TMEM132D: variants seen among roughly 807,000 people sequenced by gnomAD.
TMEM132D encodes the protein transmembrane protein 132D, also known as mature OL transmembrane protein.
Under a neutral mutation model 62.3 loss-of-function variants are expected in TMEM132D, and 21 were observed. The ratio of observed to expected loss-of-function variants is 0.34; its 90% CI spans 0.24 to 0.49. The LOEUF is 0.49. TMEM132D is among the 20% of genes least tolerant of loss of function. The pLI, the probability that TMEM132D is intolerant of heterozygous loss-of-function variation, is 0.99. For missense variants in TMEM132D, 1,346 were observed against 1,402.8 expected (o/e 0.96, Z 0.65); for synonymous variants, 621 against 575.6 (o/e 1.08, Z -1.13).
At chr12:129,127,464 A>G (rs1246267150) in intron 5 of TMEM132D, among the ~76,000 whole-genome samples, 1 of 152,182 alleles carries the variant, frequency 6.6e-6, no homozygotes, top group Non-Finnish European at 1.5e-5. Context: ...AAGGTTTCCC[A>G]AGAGCCAAAT....
chr12:129,076,050 TAGAGCCA>T (rs549991717), intron 8 of TMEM132D, among the ~76,000 whole-genome samples: 543 of 152,096 alleles, frequency 3.6e-3, no homozygotes, highest in Non-Finnish European at 6.4e-3. Context: ...CTGCTGCCAT[TAGAGCCA>T]TCAATCTCAG....
chr12:129,325,560 C>T (rs1207851175), intron 4 of TMEM132D, among the ~76,000 whole-genome samples: 5 of 152,130 alleles, frequency 3.3e-5, no homozygotes, highest in African/African-American at 7.2e-5. Context: ...ACAAGTCTCA[C>T]GGATACAAGA....
At position 129,087,926 on chromosome 12, in the gene TMEM132D, G is replaced by GA. The variant is rs1484336916; in HGVS notation, c.1444-3225_1444-3224insT. Among the ~76,000 whole-genome samples, 81 of 37,186 alleles carry GA rather than the reference G, an allele frequency of 2.2e-3. 6 individuals carry two copies. The highest frequency in any genetic ancestry group is 0.016 in the African/African-American group (80 of 5,002). 24.4% of individuals were successfully genotyped at this position (37,186 alleles called of 152,430 possible). A position where few individuals can be genotyped will look rare whatever the true frequency, so the allele number is the denominator to read the frequency against. On this transcript the variant is annotated intron_variant, in intron 5 of 8. Coordinates refer to ENST00000422113, the MANE Select transcript of TMEM132D (RefSeq NM_133448.3). ...CCTGACCGGGGTGTCCTCCCTGACC[G>GA]GGTGTCCTCCATGACCGGGGTGTCC...
intron 3 of TMEM132D, among the ~76,000 whole-genome samples, chr12:129,393,896 T>TC (rs1377627297): frequency 6.6e-6 from 1 of 151,592 alleles, no homozygotes; most frequent in African/African-American, 2.4e-5. Context: ...AACATAAACA[T>TC]CCCCCCAGAA....
At chr12:129,242,157 G>A (rs2135584875) in intron 4 of TMEM132D, among the ~76,000 whole-genome samples, 1 of 152,248 alleles carries the variant, frequency 6.6e-6, no homozygotes, top group African/African-American at 2.4e-5. Flanking sequence ...TATTTTCTTA[G>A]GTTTCTTGGA....
At chr12:129,737,718 T>C (rs1358569373) in intron 1 of TMEM132D, among the ~76,000 whole-genome samples, 1 of 152,222 alleles carries the variant, frequency 6.6e-6, no homozygotes, top group East Asian at 1.9e-4. Flanking sequence ...GCAAAGGACC[T>C]AGAAATGTCT....
intron 1 of TMEM132D, among the ~76,000 whole-genome samples, chr12:129,707,288 A>G (rs939755803): frequency 3.3e-5 from 5 of 149,854 alleles, no homozygotes; most frequent in African/African-American, 1.2e-4. Flanking sequence ...ATAGATTGTT[A>G]AAAAATGAAC....
chr12:129,391,502 C>T (rs1044364873), intron 3 of TMEM132D, among the ~76,000 whole-genome samples: 5 of 152,148 alleles, frequency 3.3e-5, no homozygotes, highest in Admixed American at 1.3e-4. Flanking sequence ...ACCTCACCCT[C>T]GAAAGGTTCT....
intron 2 of TMEM132D, among the ~76,000 whole-genome samples, chr12:129,690,553 C>T (rs907735758): frequency 1.3e-5 from 2 of 152,018 alleles, no homozygotes; most frequent in African/African-American, 2.4e-5. Context: ...TACATAAATT[C>T]CAGACAAAGC....
chr12:129,166,388 G>A (rs879627348), intron 5 of TMEM132D, among the ~76,000 whole-genome samples: 17 of 151,418 alleles, frequency 1.1e-4, no homozygotes, highest in Non-Finnish European at 2.1e-4. Context: ...AAAGGGCCAC[G>A]TATGTTTCAT....
intron 3 of TMEM132D, among the ~76,000 whole-genome samples, chr12:129,495,630 C>T (rs565473576): frequency 1.2e-4 from 19 of 152,282 alleles, no homozygotes; most frequent in Admixed American, 4.6e-4. Flanking sequence ...TCCCTTTCTC[C>T]CTGAGCTGCT....
chr12:129,889,274 T>A (rs1465994394), intron 1 of TMEM132D, among the ~76,000 whole-genome samples: 1 of 152,182 alleles, frequency 6.6e-6, no homozygotes, highest in Non-Finnish European at 1.5e-5. Flanking sequence ...TATGTTCTTC[T>A]ACGTTCCCCA....
intron 1 of TMEM132D, among the ~76,000 whole-genome samples, chr12:129,814,652 G>A (rs1166832269): frequency 6.7e-6 from 1 of 148,366 alleles, no homozygotes; most frequent in African/African-American, 2.5e-5. Flanking sequence ...AACATCTGAA[G>A]TTCCTGATGT....
chr12:129,658,622 G>A (rs540861300), intron 2 of TMEM132D, among the ~76,000 whole-genome samples: 1 of 152,194 alleles, frequency 6.6e-6, no homozygotes, highest in Non-Finnish European at 1.5e-5. Flanking sequence ...AGTATAATGG[G>A]AGTGACATGC....
intron 2 of TMEM132D, among the ~76,000 whole-genome samples, chr12:129,619,288 AC>A (rs1353680929): frequency 1.3e-5 from 2 of 152,206 alleles, no homozygotes; most frequent in Admixed American, 6.5e-5. Flanking sequence ...TACAATGCAT[AC>A]ATACGCTCAG....
chr12:129,296,791 T>C (rs10773631), intron 4 of TMEM132D, among the ~76,000 whole-genome samples: 85,471 of 151,970 alleles, frequency 0.56, 24,899 homozygotes, highest in East Asian at 0.94. Context: ...AGAGCAGGGA[T>C]TGGGGAAAGG....
At chr12:129,614,424 A>G (rs1316146853) in intron 2 of TMEM132D, among the ~76,000 whole-genome samples, 1 of 152,190 alleles carries the variant, frequency 6.6e-6, no homozygotes, top group African/African-American at 2.4e-5. Context: ...GGCCTGGGTC[A>G]CCCTGAGTTC....
intron 1 of TMEM132D, among the ~76,000 whole-genome samples, chr12:129,742,783 A>G (rs1022864359): frequency 6.6e-6 from 1 of 152,174 alleles, no homozygotes; most frequent in South Asian, 2.1e-4. Context: ...AGTGTCTTCC[A>G]GCTCTGTGGC....
intron 4 of TMEM132D, among the ~76,000 whole-genome samples, chr12:129,310,012 C>G (rs1566029025): frequency 6.7e-6 from 1 of 150,236 alleles, no homozygotes; most frequent in African/African-American, 2.4e-5. Context: ...AAGCATTTCC[C>G]AAAAAAAAAG....
Sources: allele counts gnomAD v4.1 joint callset (sites outside exome capture counted in the v4.1 genomes callset), GRCh38; gene constraint gnomAD v4.1.1; transcripts MANE v1.5; gene names NCBI Gene and HGNC (gene_info 2026-07-23, HGNC 2026-07-21).